Variants in DACH1 observed in about 807,000 individuals in gnomAD.
The protein encoded by DACH1 is dachshund homolog 1.
Under a neutral mutation model 54.2 loss-of-function variants are expected in DACH1, and 12 were observed. That is an observed-to-expected ratio of 0.22 (90% confidence interval 0.14 to 0.36). The LOEUF (loss-of-function observed/expected upper bound fraction) is 0.36. Ranked by LOEUF, DACH1 falls within the 10% of genes least tolerant of loss-of-function variation. The probability of loss-of-function intolerance (pLI) is 1.00; values close to 1 mark genes in which losing one functional copy is unlikely to be tolerated. For missense variants in DACH1, 805 were observed against 929.8 expected, an observed-to-expected ratio of 0.87 and a Z score of 1.75; for synonymous variants, 386 against 366.2, an observed-to-expected ratio of 1.05 and a Z score of -0.62.
chr13:71,515,799 C>T lies in DACH1; in HGVS notation c.1571-26651G>A, dbSNP rs955391147. Among the ~76,000 whole-genome samples, 4 of 151,898 alleles carry T rather than the reference C, an allele frequency of 2.6e-5. No individual in the cohort carries two copies. In the East Asian group the frequency reaches 7.7e-4, roughly 29 times the overall value. ...GTCATCTCACTGATGACATCATATC[C>T]TATCCATCAATTCTTTCAGGAGCAC... On this transcript the variant is annotated intron_variant, in intron 6 of 10. Coordinates refer to ENST00000613252, the MANE Select transcript of DACH1 (RefSeq NM_080759.6).
chr13:71,702,287 A>T (rs1165561128), intron 1 of DACH1, among the ~76,000 whole-genome samples: 4 of 152,152 alleles, frequency 2.6e-5, no homozygotes, highest in Non-Finnish European at 5.9e-5. Flanking sequence ...AGCATATTTA[A>T]ATCTAGATTT....
chr13:71,446,452 A>G (rs1039498156), intron 10 of DACH1, among the ~76,000 whole-genome samples: 2 of 152,192 alleles, frequency 1.3e-5, no homozygotes, highest in East Asian at 3.9e-4. Flanking sequence ...TAAAGGTGCT[A>G]TATCGATTTT....
rs771220572 is a variant in DACH1 at position 71,557,142 on chromosome 13, C to A, written c.1452G>T (p.Gly484=). 1.9e-6 allele frequency: 3 copies of A among 1,608,356 alleles called. No homozygotes were observed. The highest frequency in any genetic ancestry group is 2.5e-6 in the Non-Finnish European group (3 of 1,177,946). The change falls in exon 6 of 11, where the codon GGG becomes GGT. Residue 484 remains glycine (G), a synonymous_variant. Transcript: ENST00000613252. ...CCATCAGCATCTGGTTCATGGACAA[C>A]CCATTCTGATGGACCGCTATTATGG... is the stretch of plus-strand genomic sequence containing the variant. ...SSDRIPVHQN[G]LSMNQMLMGL...
intron 1 of DACH1, among the ~76,000 whole-genome samples, chr13:71,832,972 C>CT (rs999895397): frequency 1.3e-5 from 2 of 151,856 alleles, no homozygotes; most frequent in Non-Finnish European, 2.9e-5. Flanking sequence ...CCACTCCCTA[C>CT]TTTTTTATTT....
intron 6 of DACH1, among the ~76,000 whole-genome samples, chr13:71,500,537 T>C (rs1879823486): frequency 6.6e-6 from 1 of 152,180 alleles, no homozygotes; most frequent in Admixed American, 6.6e-5. Context: ...AAAATTATCA[T>C]GGAATTATAA....
intron 1 of DACH1, among the ~76,000 whole-genome samples, chr13:71,769,683 T>A (rs1480333455): frequency 6.6e-6 from 1 of 151,758 alleles, no homozygotes; most frequent in Non-Finnish European, 1.5e-5. Context: ...CTCCTTATTC[T>A]GTACTGAGAG....
chr13:71,519,882 A>AGTAT (rs1881443488), intron 6 of DACH1, among the ~76,000 whole-genome samples: 1 of 35,524 alleles, frequency 2.8e-5, no homozygotes, highest in Non-Finnish European at 5.2e-5. Flanking sequence ...AAACCAAAGT[A>AGTAT]GTATATATAT....
chr13:71,731,605 A>C lies in DACH1; in HGVS notation c.849-49695T>G, dbSNP rs566717882. Among the ~76,000 whole-genome samples the C allele has an allele frequency of 1.8e-3, 276 of 152,288 alleles. 2 individuals carry two copies. The highest frequency in any genetic ancestry group is 3.1e-3 in the Non-Finnish European group (211 of 68,030). On this transcript the variant is annotated intron_variant, in intron 1 of 10. Transcript: ENST00000613252. Reference sequence around the variant, plus strand: ...GCCTGTTTCTTGATGTTCTTTAGAAATGGTGTTATGGAATATTCTTTTTAC... The same window carrying C: ...GCCTGTTTCTTGATGTTCTTTAGAACTGGTGTTATGGAATATTCTTTTTAC...
chr13:71,772,404 GCTTT>G (rs1885895034), intron 1 of DACH1, among the ~76,000 whole-genome samples: 1 of 151,616 alleles, frequency 6.6e-6, no homozygotes, highest in Admixed American at 6.6e-5. Context: ...AGTGCAGAGA[GCTTT>G]TTTTCACCAG....
At chr13:71,750,531 TATAAGA>T (rs1471554462) in intron 1 of DACH1, among the ~76,000 whole-genome samples, 2 of 152,164 alleles carry the variant, frequency 1.3e-5, no homozygotes, top group African/African-American at 4.8e-5. Flanking sequence ...TAGAGTATAT[TATAAGA>T]ATAATTGTTT....
intron 6 of DACH1, among the ~76,000 whole-genome samples, chr13:71,509,964 T>A (rs1880642905): frequency 6.6e-6 from 1 of 152,104 alleles, no homozygotes; most frequent in Non-Finnish European, 1.5e-5. Flanking sequence ...TTCTCTAGTA[T>A]AACTACTTTT....
chr13:71,591,755 T>C (rs1593949476), intron 3 of DACH1, among the ~76,000 whole-genome samples: 1 of 152,158 alleles, frequency 6.6e-6, no homozygotes, highest in African/African-American at 2.4e-5. Context: ...TAAGAAATAC[T>C]GTAGTATCTG....
Position 71,442,788 on chromosome 13 carries a change from C to A in DACH1, c.2084-2096G>T, listed in dbSNP as rs147317398. 8.5e-3 allele frequency among the ~76,000 whole-genome samples: 1,290 copies of A among 151,934 alleles called. 21 individuals carry two copies. The highest frequency in any genetic ancestry group is 0.029 in the African/African-American group (1,214 of 41,452). On this transcript the variant is annotated intron_variant, in intron 10 of 10. Coordinates refer to ENST00000613252, the MANE Select transcript of DACH1 (RefSeq NM_080759.6). ...ATAGATAATAATGATGCAATTATAG[C>A]TACATGGATAATAATAGAACAATTA...
chr13:71,775,325 A>G (rs892829838), intron 1 of DACH1, among the ~76,000 whole-genome samples: 7 of 151,490 alleles, frequency 4.6e-5, no homozygotes, highest in African/African-American at 1.5e-4. Context: ...GCCACCTCAA[A>G]TTGACAAACT....
intron 1 of DACH1, among the ~76,000 whole-genome samples, chr13:71,715,580 A>T (rs1220536570): frequency 1.3e-5 from 2 of 152,048 alleles, no homozygotes; most frequent in Non-Finnish European, 2.9e-5. Context: ...GAGTAAAAGT[A>T]TTATACAGAA....
At chr13:71,587,218 C>T (rs1050816497) in intron 3 of DACH1, among the ~76,000 whole-genome samples, 9 of 151,968 alleles carry the variant, frequency 5.9e-5, no homozygotes, top group Non-Finnish European at 1.3e-4. Flanking sequence ...CCAACGTATT[C>T]AATAAAGTGT....
At chr13:71,528,137 G>A (rs994844794) in intron 6 of DACH1, among the ~76,000 whole-genome samples, 3 of 152,102 alleles carry the variant, frequency 2.0e-5, no homozygotes, top group African/African-American at 7.2e-5. Context: ...ATTTAGTATA[G>A]AAGGAAAGAA....
chr13:71,828,434 T>C (rs1475242866), intron 1 of DACH1, among the ~76,000 whole-genome samples: 4 of 151,984 alleles, frequency 2.6e-5, no homozygotes, highest in African/African-American at 9.7e-5. Flanking sequence ...TTAAGCCAGT[T>C]ACACCCGTGC....
At chr13:71,485,285 T>G (rs953059437) in intron 7 of DACH1, among the ~76,000 whole-genome samples, 1 of 151,406 alleles carries the variant, frequency 6.6e-6, no homozygotes, top group Non-Finnish European at 1.5e-5. Context: ...ATAAAAGCAA[T>G]TCTAAAAATC....
Sources: allele counts gnomAD v4.1 joint callset (sites outside exome capture counted in the v4.1 genomes callset), GRCh38; gene constraint gnomAD v4.1.1; transcripts MANE v1.5; gene names NCBI Gene and HGNC (gene_info 2026-07-23, HGNC 2026-07-21).